Variants in LUZP2 observed in about 807,000 individuals in gnomAD.
The protein encoded by LUZP2 is leucine zipper protein 2.
A neutral mutation model predicts 51.6 loss-of-function variants in LUZP2; 52 were observed. That is an observed-to-expected ratio of 1.01 (90% confidence interval 0.81 to 1.27). The LOEUF (loss-of-function observed/expected upper bound fraction) is 1.27, where lower values mean the gene tolerates loss of function less well. Among genes scored for constraint, LUZP2 ranks in the 50% most tolerant of loss-of-function variants. The pLI is 0.00. For synonymous variants in LUZP2, 154 were observed against 137.3 expected, an observed-to-expected ratio of 1.12 and a Z score of -0.85; for missense variants, 436 against 395.4, an observed-to-expected ratio of 1.10 and a Z score of -0.87.
At chr11:24,870,925 T>C (rs1211126487) in intron 5 of LUZP2, among the ~76,000 whole-genome samples, 2 of 152,084 alleles carry the variant, frequency 1.3e-5, no homozygotes, top group African/African-American at 2.4e-5. Context: ...TGAATTTCTA[T>C]ATATTCAGTT....
chr11:24,732,570 A>G (rs1353240513), intron 3 of LUZP2, among the ~76,000 whole-genome samples: 1 of 151,748 alleles, frequency 6.6e-6, no homozygotes, highest in Non-Finnish European at 1.5e-5. Flanking sequence ...AAACTTGATC[A>G]TGGTAATAAT....
At chr11:24,570,932 T>C (rs1481408940) in intron 1 of LUZP2, among the ~76,000 whole-genome samples, 1 of 151,984 alleles carries the variant, frequency 6.6e-6, no homozygotes, top group African/African-American at 2.4e-5. Flanking sequence ...TGAAGGGTAA[T>C]ATGGAAAGCA....
At chr11:24,962,663 C>T (rs950670945) in intron 7 of LUZP2, among the ~76,000 whole-genome samples, 2 of 152,158 alleles carry the variant, frequency 1.3e-5, no homozygotes, top group Non-Finnish European at 1.5e-5. Flanking sequence ...GTTATACATT[C>T]GTGTAAATTT....
chr11:24,654,120 C>T (rs759662960), intron 1 of LUZP2, among the ~76,000 whole-genome samples: 3 of 152,062 alleles, frequency 2.0e-5, no homozygotes, highest in Admixed American at 6.6e-5. Flanking sequence ...ACAAAGAGGT[C>T]AGCGCCAAGA....
intron 1 of LUZP2, among the ~76,000 whole-genome samples, chr11:24,575,408 T>C (rs1459477724): frequency 6.6e-6 from 1 of 152,188 alleles, no homozygotes; most frequent in Non-Finnish European, 1.5e-5. Context: ...TGAAATTATC[T>C]GGCATTTATA....
At chr11:24,878,103 T>G (rs1435577983) in intron 5 of LUZP2, among the ~76,000 whole-genome samples, 2 of 131,548 alleles carry the variant, frequency 1.5e-5, no homozygotes, top group African/African-American at 4.0e-5. Context: ...ATTCTGTGTT[T>G]TTTTTTTTTT....
rs1201839088 is a variant in LUZP2, at chr11:24,699,210, G to T, written c.63-29959G>T. Among the ~76,000 whole-genome samples, 4 of 151,976 alleles carry T rather than the reference G, an allele frequency of 2.6e-5. No individual in the cohort carries two copies. In the East Asian group the frequency reaches 7.8e-4, roughly 30 times the overall value. On this transcript the variant is annotated intron_variant, in intron 1 of 11. Transcript: ENST00000336930. ...CCCGTAAGATTTCTATAAAGCATCA[G>T]TGATTTAACCTTTCTTCCACCCACG...
chr11:24,608,341 A>T (rs961694930), intron 1 of LUZP2, among the ~76,000 whole-genome samples: 4 of 152,198 alleles, frequency 2.6e-5, no homozygotes, highest in Admixed American at 2.6e-4. Flanking sequence ...CTATACAATT[A>T]TATGGCATAG....
intron 1 of LUZP2, among the ~76,000 whole-genome samples, chr11:24,699,529 T>A (rs1396151166): frequency 6.6e-6 from 1 of 151,952 alleles, no homozygotes; most frequent in Non-Finnish European, 1.5e-5. Context: ...AAGGTTGTTT[T>A]ACTGATGAGA....
chr11:25,030,483 T>C (rs1310358326), intron 9 of LUZP2, among the ~76,000 whole-genome samples: 2 of 152,072 alleles, frequency 1.3e-5, no homozygotes, highest in Non-Finnish European at 2.9e-5. Flanking sequence ...CTATCAACAT[T>C]AAAGAATATT....
intron 1 of LUZP2, among the ~76,000 whole-genome samples, chr11:24,626,292 G>T (rs971314445): frequency 1.3e-5 from 2 of 152,070 alleles, no homozygotes; most frequent in Non-Finnish European, 2.9e-5. Flanking sequence ...TGTCTCAATT[G>T]TGCCATCCTA....
intron 1 of LUZP2, among the ~76,000 whole-genome samples, chr11:24,640,618 A>G (rs1855246913): frequency 6.6e-6 from 1 of 151,932 alleles, no homozygotes. Context: ...ACTGTGAAAA[A>G]TATCGTGTTA....
In LUZP2 at chr11:25,079,779, A is replaced by G. The variant is rs1859416444; in HGVS notation, c.*1121A>G. ...ACTACAGTTAAGTTGTCTGGACTGA[A>G]AAGTCATTTCTTTTGTTTAGAACCT... On this transcript the variant is annotated 3_prime_UTR_variant, in exon 12 of 12. Coordinates refer to ENST00000336930, the MANE Select transcript of LUZP2 (RefSeq NM_001009909.4). 1 of 152,156 alleles carries G rather than the reference A, an allele frequency of 6.6e-6. No individual in the cohort carries two copies. The highest frequency in any genetic ancestry group is 1.5e-5 in the Non-Finnish European group (1 of 68,000). The allele number at this position is 152,156 out of a possible 1,614,324, so 9.4% of individuals were successfully genotyped here.
At chr11:24,976,708 A>T in intron 8 of LUZP2, 43 bp downstream of exon 8, 1 of 3,988 alleles carries the variant, frequency 2.5e-4, no homozygotes, top group Admixed American at 1.8e-3. Flanking sequence ...AGTTTTAGCA[A>T]AAAAAAAAAA....
intron 8 of LUZP2, among the ~76,000 whole-genome samples, chr11:24,981,991 C>T (rs1856044959): frequency 6.6e-6 from 1 of 151,778 alleles, no homozygotes; most frequent in African/African-American, 2.4e-5. Flanking sequence ...ACACATGTGG[C>T]CAACAAGCAT....
At chr11:24,649,669 G>A (rs1033980206) in intron 1 of LUZP2, among the ~76,000 whole-genome samples, 1 of 151,788 alleles carries the variant, frequency 6.6e-6, no homozygotes, top group Non-Finnish European at 1.5e-5. Context: ...AATAGCGATA[G>A]GTGTTATAAC....
In LUZP2 at chr11:24,747,717, G is replaced by A. The variant is rs571801426; in HGVS notation, c.333+9415G>A. On this transcript the variant is annotated intron_variant, in intron 4 of 11. Coordinates refer to ENST00000336930, the MANE Select transcript of LUZP2 (RefSeq NM_001009909.4). ...CATGTCTGAGCTCAGACTCTCCTTG[G>A]GTGGGTCTTGCTGTGGCTGTTGTGG... is the stretch of plus-strand genomic sequence containing the variant. Among the ~76,000 whole-genome samples the A allele has an allele frequency of 2.0e-5, 3 of 152,152 alleles. No individual in the cohort carries two copies. In the South Asian group the frequency reaches 6.2e-4, roughly 32 times the overall value.
chr11:25,065,371 T>C (rs552983659), intron 10 of LUZP2, among the ~76,000 whole-genome samples: 1 of 152,172 alleles, frequency 6.6e-6, no homozygotes, highest in South Asian at 2.1e-4. Flanking sequence ...TGCTACAATA[T>C]ATAATACAGA....
intron 1 of LUZP2, among the ~76,000 whole-genome samples, chr11:24,707,010 AAGAAAAG>A (rs1353788587): frequency 5.6e-5 from 2 of 36,028 alleles, no homozygotes; most frequent in South Asian, 1.9e-3. Context: ...AAAAAAAAAA[AAGAAAAG>A]AAAGGAAAAA....
Sources: gnomAD v4.1 joint callset for allele counts (sites outside exome capture counted in the v4.1 genomes callset) on GRCh38, gnomAD v4.1.1 for gene constraint, MANE v1.5 for transcripts, NCBI Gene and HGNC (gene_info 2026-07-23, HGNC 2026-07-21) for gene names.